The following SEMA5A variants were observed in gnomAD, a reference collection of about 807,000 sequenced individuals.
The protein encoded by SEMA5A is semaphorin-5A.
SEMA5A carries 55 observed loss-of-function variants against 135.5 expected under a neutral mutation model. The ratio of observed to expected loss-of-function variants is 0.41; its 90% CI spans 0.33 to 0.51. The LOEUF is 0.51. Ranked by LOEUF, SEMA5A falls within the 20% of genes least tolerant of loss-of-function variation. The probability of loss-of-function intolerance (pLI) is 0.37; values close to 1 mark genes in which losing one functional copy is unlikely to be tolerated. For synonymous variants in SEMA5A, 580 were observed against 546.5 expected, an observed-to-expected ratio of 1.06 and a Z score of -0.85; for missense variants, 1,290 against 1,419.9, an observed-to-expected ratio of 0.91 and a Z score of 1.47.
At chr5:9,086,996 C>A (rs2135075) in intron 16 of SEMA5A, among the ~76,000 whole-genome samples, 23,332 of 152,124 alleles carry the variant, frequency 0.15, 2,363 homozygotes, top group East Asian at 0.45. Flanking sequence ...CTGCTGCTTT[C>A]TCTGTGCCCA....
chr5:9,166,348 C>A (rs72643793), intron 11 of SEMA5A, among the ~76,000 whole-genome samples: 17,821 of 151,906 alleles, frequency 0.12, 1,758 homozygotes, highest in African/African-American at 0.25. Flanking sequence ...CAATCACAGG[C>A]CGTGTGACCG....
intron 5 of SEMA5A, among the ~76,000 whole-genome samples, chr5:9,259,308 TCA>T (rs1404876339): frequency 6.6e-6 from 1 of 152,254 alleles, no homozygotes; most frequent in Non-Finnish European, 1.5e-5. Flanking sequence ...AAATTATTCT[TCA>T]CTTTGGGGGA....
At chr5:9,407,317 A>G (rs757985502) in intron 2 of SEMA5A, among the ~76,000 whole-genome samples, 1 of 152,212 alleles carries the variant, frequency 6.6e-6, no homozygotes, top group Non-Finnish European at 1.5e-5. Flanking sequence ...CTGTGCTAAT[A>G]CGATCTTACA....
At chr5:9,297,254 C>T (rs1185281116) in intron 5 of SEMA5A, among the ~76,000 whole-genome samples, 1 of 151,666 alleles carries the variant, frequency 6.6e-6, no homozygotes, top group Non-Finnish European at 1.5e-5. Flanking sequence ...TTTCTATCGA[C>T]TCAAATATTT....
intron 3 of SEMA5A, among the ~76,000 whole-genome samples, chr5:9,375,094 T>A (rs1200216649): frequency 6.6e-6 from 1 of 152,188 alleles, no homozygotes; most frequent in Non-Finnish European, 1.5e-5. Flanking sequence ...TCTCTCCTTT[T>A]ATATCTATCA....
chr5:9,294,336 C>A (rs1489617796), intron 5 of SEMA5A, among the ~76,000 whole-genome samples: 1 of 152,178 alleles, frequency 6.6e-6, no homozygotes, highest in African/African-American at 2.4e-5. Context: ...CAACCATGGG[C>A]CACTTTCCAT....
At chr5:9,464,637 G>A (rs1198845106) in intron 1 of SEMA5A, among the ~76,000 whole-genome samples, 2 of 152,188 alleles carry the variant, frequency 1.3e-5, no homozygotes, top group African/African-American at 2.4e-5. Flanking sequence ...CAAAGCCCCC[G>A]TTGAGGGAGC....
chr5:9,338,655 G>GT (rs1753503473), intron 3 of SEMA5A, among the ~76,000 whole-genome samples: 1 of 152,036 alleles, frequency 6.6e-6, no homozygotes, highest in African/African-American at 2.4e-5. Context: ...TCTGATTGTC[G>GT]TTTTTTCTTG....
At chr5:9,353,089 GA>G (rs1453546956) in intron 3 of SEMA5A, among the ~76,000 whole-genome samples, 2,430 of 12,560 alleles carry the variant, frequency 0.19, 305 homozygotes, top group Non-Finnish European at 0.28. Context: ...GAAAGGAAAG[GA>G]AAGGAAGGAA....
At chr5:9,326,545 C>T (rs1004634049) in intron 4 of SEMA5A, among the ~76,000 whole-genome samples, 1 of 151,850 alleles carries the variant, frequency 6.6e-6, no homozygotes, top group Non-Finnish European at 1.5e-5. Flanking sequence ...TGAGGGAGGC[C>T]GAAGCAGACA....
chr5:9,138,443 G>A (rs932868993), intron 12 of SEMA5A, among the ~76,000 whole-genome samples: 23 of 152,030 alleles, frequency 1.5e-4, no homozygotes, highest in Non-Finnish European at 2.2e-4. Context: ...TTGTGCACGC[G>A]GTTTCGCATT....
At position 9,203,729 on chromosome 5, in the gene SEMA5A, A is replaced by G. The variant is rs1321398816; in HGVS notation, c.647-1489T>C. On this transcript the variant is annotated intron_variant, in intron 8 of 22. Transcript: ENST00000382496. ...GTACAATACGTTGTTAAGTCATTGA[A>G]GTATATCAAGTAATATACTGAGGTG... Among the ~76,000 whole-genome samples, 4 of 152,200 alleles carry G rather than the reference A, an allele frequency of 2.6e-5. No individual in the cohort carries two copies. In the East Asian group the frequency reaches 7.7e-4, roughly 29 times the overall value.
intron 11 of SEMA5A, among the ~76,000 whole-genome samples, chr5:9,169,964 A>T (rs1276758124): frequency 6.6e-6 from 1 of 152,222 alleles, no homozygotes; most frequent in Non-Finnish European, 1.5e-5. Context: ...TGATGTTTGG[A>T]TACTGGGCTC....
rs143867859 is a variant in SEMA5A at position 9,046,544 on chromosome 5, C to T, written c.2894-1960G>A. 1.4e-4 allele frequency among the ~76,000 whole-genome samples: 22 copies of T among 152,316 alleles called. No individual in the cohort carries two copies. In the East Asian group the frequency reaches 3.7e-3, roughly 25 times the overall value. ...TGAGTGCCCACCTGGCCTAGGTCTACGGGGCTCTGTTTGAGTCCTTCCTGA... is the reference window on the plus strand; with the variant it reads ...TGAGTGCCCACCTGGCCTAGGTCTATGGGGCTCTGTTTGAGTCCTTCCTGA... On this transcript the variant is annotated intron_variant, in intron 21 of 22. Transcript: ENST00000382496.
At chr5:9,307,793 T>A (rs547274605) in intron 5 of SEMA5A, among the ~76,000 whole-genome samples, 5 of 152,154 alleles carry the variant, frequency 3.3e-5, no homozygotes, top group Non-Finnish European at 2.9e-5. Flanking sequence ...ATAAATGAAA[T>A]GAACTCCTCC....
At chr5:9,207,116 A>ATATATATATATG (rs1554003363) in intron 8 of SEMA5A, among the ~76,000 whole-genome samples, 7 of 135,292 alleles carry the variant, frequency 5.2e-5, no homozygotes, top group Admixed American at 1.5e-4. Flanking sequence ...ATATATATAT[A>ATATATATATATG]TATATATATA....
intron 1 of SEMA5A, among the ~76,000 whole-genome samples, chr5:9,489,226 A>G (rs981169728): frequency 6.8e-6 from 1 of 146,482 alleles, no homozygotes; most frequent in Non-Finnish European, 1.5e-5. Flanking sequence ...TCTAATGAAA[A>G]TTGCTCAACA....
intron 5 of SEMA5A, among the ~76,000 whole-genome samples, chr5:9,275,159 G>A (rs2387814): frequency 0.38 from 58,305 of 151,786 alleles, 11,640 homozygotes; most frequent in East Asian, 0.48. Flanking sequence ...TATCACTACC[G>A]ATCCCACAGA....
chr5:9,109,027 A>ATTTTTTTTTTTTTTT lies in SEMA5A; in HGVS notation c.1926-741_1926-740insAAAAAAAAAAAAAAA, dbSNP rs1305606521. ...ATCATGAGTCATATTATTTCTCTTC[A>ATTTTTTTTTTTTTTT]ATTTTTTTTTTTTTTTTTTTTTTTT... On this transcript the variant is annotated intron_variant, in intron 15 of 22. Transcript: ENST00000382496. Among the ~76,000 whole-genome samples, 24 of 118,948 alleles carry ATTTTTTTTTTTTTTT rather than the reference A, an allele frequency of 2.0e-4. 6 individuals carry two copies. The highest frequency in any genetic ancestry group is 1.4e-3 in the Admixed American group (15 of 10,526). The allele number at this position is 118,948 out of a possible 152,430, so 78.0% of individuals were successfully genotyped here.
Sources: allele counts gnomAD v4.1 joint callset (sites outside exome capture counted in the v4.1 genomes callset), GRCh38; gene constraint gnomAD v4.1.1; transcripts MANE v1.5; gene names NCBI Gene and HGNC (gene_info 2026-07-23, HGNC 2026-07-21).